ATP8A2: variants seen among roughly 807,000 people sequenced by gnomAD.
ATP8A2 encodes the protein ATPase phospholipid transporting 8A2.
A neutral mutation model predicts 165.6 loss-of-function variants in ATP8A2; 100 were observed. The ratio of observed to expected loss-of-function variants is 0.60; its 90% CI spans 0.51 to 0.71. The LOEUF is 0.71. Among genes scored for constraint, ATP8A2 ranks in the 30% least tolerant of loss-of-function variants. The pLI, the probability that ATP8A2 is intolerant of heterozygous loss-of-function variation, is 0.00. For synonymous variants in ATP8A2, 543 were observed against 548.8 expected (o/e 0.99, Z 0.15); for missense variants, 1,227 against 1,479.5 (o/e 0.83, Z 2.80).
At chr13:25,625,893 G>C (rs1422246938) in intron 24 of ATP8A2, among the ~76,000 whole-genome samples, 1 of 152,172 alleles carries the variant, frequency 6.6e-6, no homozygotes, top group African/African-American at 2.4e-5. Flanking sequence ...GAAGTGACCT[G>C]TCAAAGGTCA....
At chr13:25,930,509 T>C (rs1954741391) in intron 33 of ATP8A2, among the ~76,000 whole-genome samples, 1 of 152,190 alleles carries the variant, frequency 6.6e-6, no homozygotes, top group Non-Finnish European at 1.5e-5. Flanking sequence ...GCTCAAATAC[T>C]ACCTCGTGAG....
At chr13:25,978,803 G>T (rs111654807) in intron 35 of ATP8A2, among the ~76,000 whole-genome samples, 11,841 of 152,154 alleles carry the variant, frequency 0.078, 1,442 homozygotes, top group African/African-American at 0.26. Flanking sequence ...AGCCGGGCTT[G>T]GTGGCGGGCG....
chr13:25,782,260 G>A (rs2044899317), intron 27 of ATP8A2, among the ~76,000 whole-genome samples: 2 of 152,236 alleles, frequency 1.3e-5, no homozygotes, highest in East Asian at 1.9e-4. Context: ...GCTTTTATTT[G>A]AAGGAATAGA....
intron 33 of ATP8A2, among the ~76,000 whole-genome samples, chr13:25,936,368 C>G (rs960511590): frequency 2.0e-5 from 3 of 152,198 alleles, no homozygotes; most frequent in African/African-American, 7.2e-5. Flanking sequence ...GCCTGAGTGT[C>G]TGCGGAAGTC....
At chr13:26,019,341 G>A (rs1957048215) in intron 36 of ATP8A2, among the ~76,000 whole-genome samples, 1 of 152,218 alleles carries the variant, frequency 6.6e-6, no homozygotes, top group Admixed American at 6.5e-5. Context: ...AAGTTGCAGT[G>A]AGCTGGGATC....
At chr13:25,600,348 T>A (rs4075860) in intron 24 of ATP8A2, among the ~76,000 whole-genome samples, 6,433 of 152,302 alleles carry the variant, frequency 0.042, 288 homozygotes, top group Admixed American at 0.093. Flanking sequence ...TAGAGCCACC[T>A]GTGAGTGAGG....
At chr13:25,395,985 A>T (rs1036664290) in intron 1 of ATP8A2, among the ~76,000 whole-genome samples, 16 of 94,532 alleles carry the variant, frequency 1.7e-4, no homozygotes, top group South Asian at 1.5e-3. Context: ...CTGGGACTAC[A>T]GGTGTGCATC....
intron 36 of ATP8A2, 24 bp downstream of exon 36, chr13:26,012,646 A>T: frequency 7.5e-7 from 1 of 1,336,796 alleles, no homozygotes; most frequent in Non-Finnish European, 9.7e-7. Context: ...GCGGGGGCTG[A>T]TGGAGGAGTG....
At position 25,530,613 on chromosome 13, in the gene ATP8A2, A is replaced by T. The variant is rs1206782496; in HGVS notation, c.373A>T (p.Ile125Phe). The T allele has an allele frequency of 1.3e-6, 2 of 1,595,420 alleles. No individual in the cohort carries two copies. The highest frequency in any genetic ancestry group is 1.7e-6 in the Non-Finnish European group (2 of 1,168,500). ...TGRYTTLVPL[I>F]IILTIAGIKE... ...AAGATATACCACCCTGGTGCCATTG[A>T]TCATTATTTTAACAATTGCAGGCAT... The change falls in exon 4 of 37, where the codon ATC becomes TTC. Residue 125 changes from isoleucine (I) to phenylalanine (F), a missense_variant. By Grantham distance (21) the Ile-to-Phe change is conservative. Coordinates refer to ENST00000381655, the MANE Select transcript of ATP8A2 (RefSeq NM_016529.6).
At chr13:25,531,237 T>TATATATGATATATATGTTATATATG (rs1566229028) in intron 4 of ATP8A2, among the ~76,000 whole-genome samples, 6 of 53,316 alleles carry the variant, frequency 1.1e-4, no homozygotes, top group Non-Finnish European at 2.0e-4. Context: ...TTATATATGA[T>TATATATGATATATATGTTATATATG]ATATATGTTA....
rs118135818 is a variant in ATP8A2, at chr13:25,953,366, G to T, written c.3184-8209G>T. 0.011 allele frequency among the ~76,000 whole-genome samples: 1,737 copies of T among 151,912 alleles called. 21 individuals are homozygous for T. Among genetic ancestry groups the T allele is most frequent in the Middle Eastern group, 0.017 (5 of 294 alleles). ...GGGGGATTAAATAAAATGCTTTATG[G>T]GAAGTTCTGGCACAGAGTGACGCAC... On this transcript the variant is annotated intron_variant, in intron 33 of 36. Transcript: ENST00000381655. This position sits in a 1 kb window ranked among gnomAD's most constrained non-coding sequence, Gnocchi z 6.7.
intron 24 of ATP8A2, among the ~76,000 whole-genome samples, chr13:25,593,062 C>G (rs76338053): frequency 3.9e-4 from 60 of 152,302 alleles, no homozygotes; most frequent in African/African-American, 1.3e-3. Context: ...TCTCCTCCCT[C>G]TCATGCTTTA....
At chr13:26,016,827 C>T (rs759758693) in intron 36 of ATP8A2, among the ~76,000 whole-genome samples, 5 of 152,134 alleles carry the variant, frequency 3.3e-5, no homozygotes, top group African/African-American at 7.2e-5. Context: ...CTGGGTGTGA[C>T]GGGCCATGAA....
intron 33 of ATP8A2, among the ~76,000 whole-genome samples, chr13:25,959,346 C>G (rs1182899923): frequency 6.6e-6 from 1 of 152,226 alleles, no homozygotes; most frequent in African/African-American, 2.4e-5. Flanking sequence ...CCGTTCCATG[C>G]ATTGTTCCTG....
intron 35 of ATP8A2, among the ~76,000 whole-genome samples, 171 bp from the exon 36 acceptor site, chr13:26,012,360 T>C (rs1057300582): frequency 3.3e-5 from 5 of 151,984 alleles, no homozygotes; most frequent in East Asian, 1.9e-4. Flanking sequence ...GGAGCCAGCA[T>C]TGAGGCGCCC....
At chr13:25,719,505 T>C (rs181667766) in intron 25 of ATP8A2, among the ~76,000 whole-genome samples, 16 of 151,854 alleles carry the variant, frequency 1.1e-4, no homozygotes, top group African/African-American at 3.9e-4. Flanking sequence ...ATGATGGAGA[T>C]AGATAAGATA....
At chr13:25,722,199 C>T (rs1025556798) in intron 25 of ATP8A2, among the ~76,000 whole-genome samples, 7 of 152,134 alleles carry the variant, frequency 4.6e-5, no homozygotes, top group African/African-American at 9.7e-5. Flanking sequence ...GTGTGGGAGC[C>T]GTGGCTCTGA....
At chr13:25,711,748 C>G (rs2043163787) in intron 25 of ATP8A2, among the ~76,000 whole-genome samples, 1 of 152,068 alleles carries the variant, frequency 6.6e-6, no homozygotes, top group African/African-American at 2.4e-5. Context: ...TCCAGATTCT[C>G]TGGAATGGAC....
intron 36 of ATP8A2, among the ~76,000 whole-genome samples, chr13:26,016,723 T>C (rs1956983881): frequency 6.6e-6 from 1 of 152,188 alleles, no homozygotes; most frequent in South Asian, 2.1e-4. Flanking sequence ...GGATGGACTG[T>C]TGACACCGAC....
Sources: allele counts gnomAD v4.1 joint callset (sites outside exome capture counted in the v4.1 genomes callset), GRCh38; gene constraint gnomAD v4.1.1; non-coding constraint Gnocchi (gnomAD v3.1); transcripts MANE v1.5; gene names NCBI Gene and HGNC (gene_info 2026-07-23, HGNC 2026-07-21).